The following SYNJ1 variants were observed in gnomAD, a reference collection of about 807,000 sequenced individuals.
SYNJ1 encodes the protein synaptojanin 1.
SYNJ1 carries 78 observed loss-of-function variants against 168.2 expected under a neutral mutation model. The observed-to-expected ratio is 0.46, with a 90% CI of 0.39 to 0.56. The LOEUF (loss-of-function observed/expected upper bound fraction) is 0.56. SYNJ1 is among the 20% of genes least tolerant of loss of function. The pLI is 0.00. For missense variants in SYNJ1, 1,303 were observed against 1,597.6 expected (o/e 0.82, Z 3.14); for synonymous variants, 539 against 548.6 (o/e 0.98, Z 0.24).
At chr21:32,634,602 T>TA (rs1201181606) in intron 32 of SYNJ1, among the ~76,000 whole-genome samples, 1 of 152,210 alleles carries the variant, frequency 6.6e-6, no homozygotes, top group African/African-American at 2.4e-5. Flanking sequence ...TTCTTGAAGT[T>TA]ACACTTTTTA....
intron 30 of SYNJ1, 35 bp downstream of exon 30, chr21:32,639,636 G>A: frequency 1.3e-6 from 2 of 1,570,168 alleles, no homozygotes; most frequent in South Asian, 1.1e-5. Context: ...GGGCTCAAGT[G>A]ATCCTCCTGC....
At chr21:32,673,829 T>C (rs1240601817) in intron 13 of SYNJ1, among the ~76,000 whole-genome samples, 7 of 152,072 alleles carry the variant, frequency 4.6e-5, no homozygotes, top group African/African-American at 1.7e-4. Context: ...GAACAAATAG[T>C]TCTGTTTCAA....
intron 31 of SYNJ1, among the ~76,000 whole-genome samples, chr21:32,636,613 A>T (rs969712701): frequency 1.3e-4 from 20 of 151,996 alleles, no homozygotes; most frequent in African/African-American, 3.9e-4. Context: ...ATAATTTAAA[A>T]TTTTTTTTAT....
At chr21:32,694,768 C>T (rs896590736) in intron 5 of SYNJ1, among the ~76,000 whole-genome samples, 4 of 152,142 alleles carry the variant, frequency 2.6e-5, no homozygotes, top group African/African-American at 9.7e-5. Context: ...AACAAGTTGT[C>T]TAACTCTACA....
At chr21:32,693,617 G>T (rs1210328853) in intron 6 of SYNJ1, among the ~76,000 whole-genome samples, 2 of 152,062 alleles carry the variant, frequency 1.3e-5, no homozygotes, top group African/African-American at 4.8e-5. Flanking sequence ...ATACTTCAAG[G>T]ACTAATAAAT....
intron 3 of SYNJ1, among the ~76,000 whole-genome samples, chr21:32,701,333 T>G (rs142368363): frequency 6.6e-6 from 1 of 152,174 alleles, no homozygotes; most frequent in Non-Finnish European, 1.5e-5. Flanking sequence ...CACCCTTTAG[T>G]TGAGCTGACT....
At chr21:32,683,526 C>T (rs2041704741) in intron 10 of SYNJ1, among the ~76,000 whole-genome samples, 1 of 151,742 alleles carries the variant, frequency 6.6e-6, no homozygotes, top group Admixed American at 6.6e-5. Flanking sequence ...TTCATTCTCA[C>T]TAACTATGGC....
intron 26 of SYNJ1, 34 bp downstream of exon 26, chr21:32,644,934 C>T (rs771005732): frequency 2.5e-6 from 4 of 1,599,352 alleles, no homozygotes; most frequent in Non-Finnish European, 2.6e-6. Context: ...TAATGAACCA[C>T]GATTCACACA....
chr21:32,727,715 G>T, intron 1 of SYNJ1: 1 of 937,824 alleles, frequency 1.1e-6, no homozygotes, highest in Non-Finnish European at 1.5e-6. Context: ...TCGTTCCCGC[G>T]GGCGGGCTGA....
rs770768516 is a variant in SYNJ1, at chr21:32,653,402, C to T, written c.2796-36G>A. 34 of 1,488,396 alleles carry T rather than the reference C, an allele frequency of 2.3e-5. No homozygotes were observed. The South Asian group carries it at 3.8e-4, about 17-fold the overall frequency. 92.2% of individuals were successfully genotyped at this position (1,488,396 alleles called of 1,614,324 possible). ...AACAATAAAAAACCATAATTAATAC[C>T]ATAGACATAACAAGCTCAGTGACTA... On this transcript the variant is annotated intron_variant, in intron 21 of 32. Transcript: ENST00000674351.
chr21:32,658,295 G>A (rs2040541766), intron 18 of SYNJ1, among the ~76,000 whole-genome samples: 1 of 152,188 alleles, frequency 6.6e-6, no homozygotes, highest in African/African-American at 2.4e-5. Context: ...GCAGCTGGAT[G>A]TCAGAGAGAA....
chr21:32,677,486 C>T (rs2041458591), intron 12 of SYNJ1, among the ~76,000 whole-genome samples: 1 of 152,136 alleles, frequency 6.6e-6, no homozygotes, highest in African/African-American at 2.4e-5. Context: ...TTGAGGATTA[C>T]ATAGGTCCCT....
At chr21:32,714,719 T>C (rs2042959955) in intron 2 of SYNJ1, among the ~76,000 whole-genome samples, 3 of 152,216 alleles carry the variant, frequency 2.0e-5, no homozygotes, top group Admixed American at 1.3e-4. Context: ...CTATTCCAAC[T>C]CTTCCTCATT....
chr21:32,661,331 C>G (rs748397823), intron 18 of SYNJ1, among the ~76,000 whole-genome samples: 1 of 152,210 alleles, frequency 6.6e-6, no homozygotes, highest in African/African-American at 2.4e-5. Context: ...AGCATACAAG[C>G]TTATGGAGCG....
chr21:32,673,588 G>C, intron 13 of SYNJ1, 57 bp from the exon 14 acceptor site: 2 of 1,438,504 alleles, frequency 1.4e-6, no homozygotes, highest in Middle Eastern at 1.9e-4. Context: ...TATAAAAATT[G>C]ATTTTCATAA....
intron 2 of SYNJ1, among the ~76,000 whole-genome samples, chr21:32,723,698 GT>G (rs2043335621): frequency 6.6e-6 from 1 of 152,180 alleles, no homozygotes. Flanking sequence ...GTGTGCGCCT[GT>G]AGTCCCAGCT....
chr21:32,687,852 G>A (rs1439634816), intron 7 of SYNJ1, among the ~76,000 whole-genome samples: 1 of 152,124 alleles, frequency 6.6e-6, no homozygotes, highest in Non-Finnish European at 1.5e-5. Context: ...GTTCCACATG[G>A]CCGACTGTGG....
At chr21:32,643,302 C>T (rs2145755128) in intron 27 of SYNJ1, 108 bp downstream of exon 27, 1 of 1,151,098 alleles carries the variant, frequency 8.7e-7, no homozygotes. Context: ...ACAGCTGGAC[C>T]AAGAAAAGAT....
chr21:32,666,607 A>G (rs1569065875), intron 15 of SYNJ1, 34 bp from the exon 16 acceptor site: 1 of 1,597,392 alleles, frequency 6.3e-7, no homozygotes, highest in African/African-American at 1.4e-5. Flanking sequence ...AATTTTTTAA[A>G]AAGGTATTGA....
Sources: allele counts gnomAD v4.1 joint callset (sites outside exome capture counted in the v4.1 genomes callset), GRCh38; gene constraint gnomAD v4.1.1; transcripts MANE v1.5; gene names NCBI Gene and HGNC (gene_info 2026-07-23, HGNC 2026-07-21).